The following PCBD2 variants were observed in gnomAD, a reference collection of about 807,000 sequenced individuals.
The protein encoded by PCBD2 is pterin-4-alpha-carbinolamine dehydratase 2.
PCBD2 carries 12 observed loss-of-function variants against 16.4 expected under a neutral mutation model. That is an observed-to-expected ratio of 0.73 (90% CI 0.47 to 1.19). The LOEUF (loss-of-function observed/expected upper bound fraction) is 1.19. PCBD2 is among the 50% of genes most tolerant of loss of function. The pLI is 0.00. For missense variants in PCBD2, 138 were observed against 156.8 expected (o/e 0.88, Z 0.64); for synonymous variants, 58 against 61.8 (o/e 0.94, Z 0.29).
intron 2 of PCBD2, among the ~76,000 whole-genome samples, chr5:134,919,928 T>C (rs1267487591): frequency 1.3e-5 from 2 of 152,156 alleles, no homozygotes; most frequent in East Asian, 3.9e-4. Context: ...CATTTAGATG[T>C]GTCAGAATAC....
intron 2 of PCBD2, among the ~76,000 whole-genome samples, chr5:134,912,405 C>T (rs1285409006): frequency 6.6e-6 from 1 of 152,286 alleles, no homozygotes; most frequent in Admixed American, 6.5e-5. Flanking sequence ...GAGCTTATTG[C>T]TTATTGCTGT....
intron 2 of PCBD2, among the ~76,000 whole-genome samples, chr5:134,944,009 C>T (rs1032660231): frequency 6.6e-6 from 1 of 152,182 alleles, no homozygotes; most frequent in Non-Finnish European, 1.5e-5. Context: ...TCAGCAACAG[C>T]AGAAAGCAAC....
chr5:134,955,639 T>C (rs569445516), intron 2 of PCBD2, among the ~76,000 whole-genome samples: 3 of 152,304 alleles, frequency 2.0e-5, no homozygotes, highest in African/African-American at 7.2e-5. Context: ...TCTCCTTTGT[T>C]TGTCCTTACA....
Position 134,905,160 on chromosome 5 carries a change from G to A in PCBD2, c.21G>A (p.Ala7=). 1.6e-6 allele frequency: 2 copies of A among 1,222,398 alleles called. No homozygotes were observed. Among genetic ancestry groups the A allele is most frequent in the Non-Finnish European group, 1.0e-6 (1 of 982,312 alleles). 75.7% of individuals were successfully genotyped at this position (1,222,398 alleles called of 1,614,324 possible). The part of the protein sequence containing the change: MAAVLG[A]LGATRRLLAA... Reference sequence around the variant, plus strand: ...GGCCAATGGCGGCGGTGCTCGGGGCGCTCGGGGCGACGCGGCGCTTGTTGG... The same window carrying A: ...GGCCAATGGCGGCGGTGCTCGGGGCACTCGGGGCGACGCGGCGCTTGTTGG... Residue 7 remains alanine, a synonymous_variant, in exon 1 of 4, where the codon GCG becomes GCA. Coordinates refer to ENST00000254908, the MANE Select transcript of PCBD2 (RefSeq NM_032151.5).
intron 2 of PCBD2, among the ~76,000 whole-genome samples, chr5:134,939,285 T>G (rs1292423229): frequency 7.2e-5 from 11 of 152,050 alleles, no homozygotes. Context: ...TTGTATCTTA[T>G]TACAAGCTCA....
chr5:134,950,572 T>C (rs929668304), intron 2 of PCBD2, among the ~76,000 whole-genome samples: 3 of 152,188 alleles, frequency 2.0e-5, no homozygotes, highest in Non-Finnish European at 4.4e-5. Flanking sequence ...AAAGGAACTT[T>C]AAGAAAAATT....
chr5:134,931,084 A>AT (rs991189329), intron 2 of PCBD2, among the ~76,000 whole-genome samples: 10 of 151,346 alleles, frequency 6.6e-5, no homozygotes, highest in Admixed American at 2.6e-4. Flanking sequence ...TGCCCGGCTA[A>AT]TTTTTTTTTA....
chr5:134,937,717 T>G (rs1439911784), intron 2 of PCBD2, among the ~76,000 whole-genome samples: 1 of 152,210 alleles, frequency 6.6e-6, no homozygotes, highest in African/African-American at 2.4e-5. Context: ...CAGAATGGAT[T>G]ATGGTGACAC....
At chr5:134,948,283 C>A (rs17167730) in intron 2 of PCBD2, among the ~76,000 whole-genome samples, 8,448 of 152,176 alleles carry the variant, frequency 0.056, 467 homozygotes, top group African/African-American at 0.15. Context: ...ATTTGGAAAC[C>A]GGTAGTGTCT....
At chr5:134,957,749 A>G (rs934661049) in intron 2 of PCBD2, among the ~76,000 whole-genome samples, 2 of 152,224 alleles carry the variant, frequency 1.3e-5, no homozygotes, top group Non-Finnish European at 2.9e-5. Flanking sequence ...AGACAATCAG[A>G]TTATGAGATG....
chr5:134,918,036 G>C (rs530235047), intron 2 of PCBD2, among the ~76,000 whole-genome samples: 1 of 152,336 alleles, frequency 6.6e-6, no homozygotes, highest in South Asian at 2.1e-4. Flanking sequence ...TGGAAGTCTC[G>C]ATAGCTCTCA....
intron 2 of PCBD2, among the ~76,000 whole-genome samples, chr5:134,910,690 A>T (rs1180588533): frequency 6.6e-6 from 1 of 152,222 alleles, no homozygotes; most frequent in Non-Finnish European, 1.5e-5. Context: ...TACTTGGAAA[A>T]CAAATTCTGA....
At chr5:134,952,329 A>G (rs1161189646) in intron 2 of PCBD2, among the ~76,000 whole-genome samples, 2 of 152,046 alleles carry the variant, frequency 1.3e-5, no homozygotes, top group African/African-American at 2.4e-5. Flanking sequence ...TTTCAGTACT[A>G]TTTCTACTTT....
chr5:134,929,978 G>A (rs772461668), intron 2 of PCBD2, among the ~76,000 whole-genome samples: 3 of 152,206 alleles, frequency 2.0e-5, no homozygotes, highest in African/African-American at 7.2e-5. Context: ...ACAGGCATGA[G>A]CCATCGTTCC....
At chr5:134,929,526 G>A in intron 2 of PCBD2, among the ~76,000 whole-genome samples, 1 of 152,088 alleles carries the variant, frequency 6.6e-6, no homozygotes, top group South Asian at 2.1e-4. Context: ...TAGCAAAGTT[G>A]GTTTCGGTGG....
At chr5:134,951,656 C>G (rs1282852725) in intron 2 of PCBD2, among the ~76,000 whole-genome samples, 4 of 152,148 alleles carry the variant, frequency 2.6e-5, no homozygotes, top group African/African-American at 9.7e-5. Context: ...ATATCCTCAC[C>G]AACAGAATAT....
chr5:134,943,686 G>T (rs925831291), intron 2 of PCBD2, among the ~76,000 whole-genome samples: 2 of 152,176 alleles, frequency 1.3e-5, no homozygotes, highest in Admixed American at 6.5e-5. Context: ...TGGTCAAGTT[G>T]TCTTGGGTTC....
At chr5:134,947,514 A>T (rs1751309837) in intron 2 of PCBD2, among the ~76,000 whole-genome samples, 1 of 149,670 alleles carries the variant, frequency 6.7e-6, no homozygotes, top group African/African-American at 2.5e-5. Context: ...CAGCCTCCCG[A>T]GTAGGTGGCA....
intron 2 of PCBD2, chr5:134,924,370 G>C (rs1042394492): frequency 5.0e-6 from 2 of 396,396 alleles, no homozygotes; most frequent in African/African-American, 2.1e-5. Context: ...GAGGCATGGG[G>C]GTCAGGGGTT....
Sources: allele counts gnomAD v4.1 joint callset (sites outside exome capture counted in the v4.1 genomes callset), GRCh38; gene constraint gnomAD v4.1.1; transcripts MANE v1.5; gene names NCBI Gene and HGNC (gene_info 2026-07-23, HGNC 2026-07-21).